OPTC: variants seen among roughly 807,000 people sequenced by gnomAD.
OPTC encodes the protein opticin.
A neutral mutation model predicts 25.4 loss-of-function variants in OPTC; 22 were observed. The observed-to-expected ratio is 0.87, with a 90% CI of 0.62 to 1.24. The LOEUF is 1.24. Among genes scored for constraint, OPTC ranks in the 50% most tolerant of loss-of-function variants. The pLI, the probability that OPTC is intolerant of heterozygous loss-of-function variation, is 0.00. For missense variants in OPTC, 417 were observed against 425.2 expected, an observed-to-expected ratio of 0.98 and a Z score of 0.17; for synonymous variants, 169 against 179.3, an observed-to-expected ratio of 0.94 and a Z score of 0.46.
In OPTC at chr1:203,504,192, A is replaced by G. The variant is rs141491638; in HGVS notation, c.*25+447A>G. Among the ~76,000 whole-genome samples the G allele has an allele frequency of 2.6e-5, 4 of 152,354 alleles. No homozygotes were observed. In the East Asian group the frequency reaches 7.7e-4, roughly 29 times the overall value. On this transcript the variant is annotated intron_variant, in intron 7 of 7. Coordinates refer to ENST00000367222, the MANE Select transcript of OPTC (RefSeq NM_014359.4). ...CAGAATTTTGCAAGTCAGTTGTTAA[A>G]CACAGCCATTATGAAAAATTAAATT...
intron 5 of OPTC, 21 bp from the exon 6 acceptor site, chr1:203,502,893 C>T (rs767516952): frequency 1.2e-6 from 2 of 1,603,594 alleles, no homozygotes; most frequent in Non-Finnish European, 1.7e-6. Context: ...CAGCCTCCTA[C>T]ACTCTTTGCT....
Position 203,496,096 on chromosome 1 carries a change from G to C in OPTC, c.91G>C (p.Glu31Gln), listed in dbSNP as rs1156370659. The C allele has an allele frequency of 3.7e-6, 6 of 1,614,140 alleles. No homozygotes were observed. Among genetic ancestry groups the C allele is most frequent in the Non-Finnish European group, 5.1e-6 (6 of 1,180,006 alleles). The change falls in exon 2 of 8, where the codon GAG becomes CAG. Residue 31 changes from glutamate (E) to glutamine (Q), a missense_variant. Physicochemically the swap from Glu to Gln is conservative, Grantham distance 29 (BLOSUM62 2). Coordinates refer to ENST00000367222, the MANE Select transcript of OPTC (RefSeq NM_014359.4). Reference sequence around the variant, plus strand: ...CCCAAGGAAGGAGAGGAAGAGGAGAGAGGAGCAGATGCCCAGGGAAGGCGA... The same window carrying C: ...CCCAAGGAAGGAGAGGAAGAGGAGACAGGAGCAGATGCCCAGGGAAGGCGA... ...SLPRKERKRREEQMPREGDSF... is the reference protein window; with the variant it reads ...SLPRKERKRRQEQMPREGDSF...
chr1:203,495,245 G>A (rs531642858), intron 1 of OPTC, among the ~76,000 whole-genome samples: 29 of 152,186 alleles, frequency 1.9e-4, no homozygotes, highest in Non-Finnish European at 3.4e-4. Context: ...TCAACTGGGC[G>A]CGGTGGCTCA....
rs972671955 is a variant in OPTC, at chr1:203,494,226, C to T, written c.-42+9C>T. The stretch of plus-strand genomic sequence containing the variant: ...CCAGAAGCATTGAAGGGGTAAGGCT[C>T]AAGGTTGAGGCCTCTGGCCATCGGT... On this transcript the variant is annotated intron_variant, in intron 1 of 7. Transcript: ENST00000367222. The T allele has an allele frequency of 1.3e-5, 2 of 152,038 alleles. No homozygotes were observed. The highest frequency in any genetic ancestry group is 4.8e-5 in the African/African-American group (2 of 41,376). 9.4% of individuals were successfully genotyped at this position (152,038 alleles called of 1,614,324 possible).
intron 7 of OPTC, among the ~76,000 whole-genome samples, chr1:203,506,282 G>A (rs1661486146): frequency 6.6e-6 from 1 of 151,316 alleles, no homozygotes; most frequent in African/African-American, 2.4e-5. Context: ...CTCCTGAGTA[G>A]CTGGGATTAC....
At chr1:203,499,597 G>A (rs1661339888) in intron 4 of OPTC, 52 bp from the exon 5 acceptor site, 1 of 1,482,266 alleles carries the variant, frequency 6.7e-7, no homozygotes, top group Admixed American at 1.7e-5. Flanking sequence ...CCTGGACAAG[G>A]AAAGATAGTG....
At chr1:203,505,882 C>T (rs975756927) in intron 7 of OPTC, among the ~76,000 whole-genome samples, 1 of 152,168 alleles carries the variant, frequency 6.6e-6, no homozygotes, top group African/African-American at 2.4e-5. Context: ...CCTTTGCCTC[C>T]TCTTTCTGTC....
Position 203,503,687 on chromosome 1 carries a change from C to T in OPTC, c.966C>T (p.Cys322=). 6.2e-7 allele frequency: 1 copy of T among 1,611,106 alleles called. No individual in the cohort carries two copies. Among genetic ancestry groups the T allele is most frequent in the South Asian group, 1.1e-5 (1 of 91,080 alleles). The part of the protein sequence containing the change: ...NLSLFPSAYF[C]LPRLPIGRFT The stretch of plus-strand genomic sequence containing the variant: ...GCCTCTTCCCCAGCGCCTACTTCTG[C>T]CTGCCTCGGCTCCCCATCGGCCGCT... Residue 322 remains cysteine, a synonymous_variant, in exon 7 of 8, where the codon TGC becomes TGT. Transcript: ENST00000367222.
intron 3 of OPTC, among the ~76,000 whole-genome samples, chr1:203,497,726 G>T (rs947859056): frequency 1.3e-5 from 2 of 152,268 alleles, no homozygotes; most frequent in Admixed American, 6.5e-5. Context: ...GTTTGCCTTG[G>T]GTGGACCTGG....
intron 3 of OPTC, among the ~76,000 whole-genome samples, chr1:203,497,812 G>A (rs1362749265): frequency 1.3e-5 from 2 of 152,140 alleles, no homozygotes; most frequent in Non-Finnish European, 2.9e-5. Context: ...CAGGCTTAAA[G>A]AGGCCATAAA....
intron 6 of OPTC, 79 bp downstream of exon 6, chr1:203,503,088 A>G: frequency 8.7e-7 from 1 of 1,144,190 alleles, no homozygotes; most frequent in Non-Finnish European, 1.3e-6. Context: ...GTCGTGGCAG[A>G]GAGAGGCATG....
chr1:203,503,412 G>A (rs1477015268), intron 6 of OPTC, 138 bp from the exon 7 acceptor site: 5 of 837,718 alleles, frequency 6.0e-6, no homozygotes, highest in Admixed American at 3.8e-5. Flanking sequence ...TTGTTGTGTG[G>A]CTTTGGCCCT....
At chr1:203,506,332 G>C (rs1351014921) in intron 7 of OPTC, among the ~76,000 whole-genome samples, 1 of 151,914 alleles carries the variant, frequency 6.6e-6, no homozygotes, top group South Asian at 2.1e-4. Context: ...TGTACTTTAA[G>C]TAGAGACAGG....
At chr1:203,505,949 A>AGTGT (rs1558240850) in intron 7 of OPTC, among the ~76,000 whole-genome samples, 4 of 141,526 alleles carry the variant, frequency 2.8e-5, no homozygotes, top group Non-Finnish European at 4.8e-5. Flanking sequence ...TCTCTCTCTC[A>AGTGT]GAGTGTGTGT....
At chr1:203,501,313 C>T (rs1026115792) in intron 5 of OPTC, among the ~76,000 whole-genome samples, 1 of 152,184 alleles carries the variant, frequency 6.6e-6, no homozygotes, top group African/African-American at 2.4e-5. Flanking sequence ...GTTGGCCAGG[C>T]TGGTCTCGAA....
intron 4 of OPTC, 71 bp downstream of exon 4, chr1:203,498,910 C>T: frequency 6.5e-7 from 1 of 1,534,002 alleles, no homozygotes; most frequent in Non-Finnish European, 9.0e-7. Context: ...GGACAGTCAC[C>T]AACACTGTGT....
intron 7 of OPTC, among the ~76,000 whole-genome samples, chr1:203,504,855 C>G (rs550552373): frequency 6.6e-6 from 1 of 152,342 alleles, no homozygotes; most frequent in South Asian, 2.1e-4. Flanking sequence ...GTTCGACCAC[C>G]AGAGGGCAGC....
intron 5 of OPTC, among the ~76,000 whole-genome samples, chr1:203,501,663 C>T (rs748352184): frequency 1.3e-5 from 2 of 152,176 alleles, no homozygotes; most frequent in Non-Finnish European, 2.9e-5. Context: ...AGAGGCACAC[C>T]TGCTTGCTCT....
At chr1:203,498,944 T>C in intron 4 of OPTC, 105 bp downstream of exon 4, 1 of 1,273,746 alleles carries the variant, frequency 7.9e-7, no homozygotes, top group Non-Finnish European at 1.1e-6. Flanking sequence ...GTTAGCTCTT[T>C]CCTGTTGGCT....
Sources: allele counts gnomAD v4.1 joint callset (sites outside exome capture counted in the v4.1 genomes callset), GRCh38; gene constraint gnomAD v4.1.1; transcripts MANE v1.5; gene names NCBI Gene and HGNC (gene_info 2026-07-23, HGNC 2026-07-21).